Variants in YARS1 observed in about 807,000 individuals in gnomAD.
YARS1 encodes tyrosine--tRNA ligase, cytoplasmic.
Under a neutral mutation model 62.2 loss-of-function variants are expected in YARS1, and 36 were observed. The observed-to-expected ratio is 0.58, with a 90% CI of 0.44 to 0.76. The LOEUF (loss-of-function observed/expected upper bound fraction) is 0.76, where lower values mean the gene tolerates loss of function less well. Ranked by LOEUF, YARS1 falls within the 30% of genes least tolerant of loss-of-function variation. The probability of loss-of-function intolerance (pLI) is 0.00; values close to 1 mark genes in which losing one functional copy is unlikely to be tolerated. For missense variants in YARS1, 524 were observed against 639.8 expected, an observed-to-expected ratio of 0.82 and a Z score of 1.95; for synonymous variants, 234 against 244.9, an observed-to-expected ratio of 0.96 and a Z score of 0.42.
chr1:32,780,839 T>C lies in YARS1; in HGVS notation c.1140+209A>G, dbSNP rs2282293. The C allele has an allele frequency of 0.17, 104,526 of 620,054 alleles. 9,847 individuals carry two copies. Among genetic ancestry groups the C allele is most frequent in the South Asian group, 0.24 (13,176 of 55,298 alleles). The allele number at this position is 620,054 out of a possible 1,614,324, so 38.4% of individuals were successfully genotyped here. A position where few individuals can be genotyped will look rare whatever the true frequency, so the allele number is the denominator to read the frequency against. On this transcript the variant is annotated intron_variant, in intron 10 of 12. Coordinates refer to ENST00000373477, the MANE Select transcript of YARS1 (RefSeq NM_003680.4). ...CCCTCTGACTAACATCCGTCCCCCA[T>C]GCTGAGTTCCTGGCTGTGTTTGGTT...
chr1:32,794,577 A>G (rs1228903920), intron 5 of YARS1, among the ~76,000 whole-genome samples: 3 of 151,710 alleles, frequency 2.0e-5, no homozygotes, highest in Non-Finnish European at 4.4e-5. Flanking sequence ...TTTACTAGAG[A>G]CGGGGTTTCA....
intron 4 of YARS1, among the ~76,000 whole-genome samples, chr1:32,798,859 A>T (rs913505770): frequency 2.6e-5 from 4 of 152,106 alleles, no homozygotes; most frequent in African/African-American, 9.7e-5. Flanking sequence ...TAAATAAAAC[A>T]GTGACTGTCA....
chr1:32,775,732 A>C lies in YARS1; in HGVS notation c.*249T>G. On this transcript the variant is annotated 3_prime_UTR_variant, in exon 13 of 13. Coordinates refer to ENST00000373477, the MANE Select transcript of YARS1 (RefSeq NM_003680.4). Reference sequence around the variant, plus strand: ...CCAGATTTCTCCAGCTGCCAAGGGAAGAAGGTAGGGCTGGACTCCCTGCTG... The same window carrying C: ...CCAGATTTCTCCAGCTGCCAAGGGACGAAGGTAGGGCTGGACTCCCTGCTG... 1 of 558,490 alleles carries C rather than the reference A, an allele frequency of 1.8e-6. No individual in the cohort carries two copies. The highest frequency in any genetic ancestry group is 3.2e-6 in the Non-Finnish European group (1 of 311,888). 34.6% of individuals were successfully genotyped at this position (558,490 alleles called of 1,614,324 possible).
intron 4 of YARS1, among the ~76,000 whole-genome samples, chr1:32,804,916 A>G (rs1448485436): frequency 1.3e-5 from 2 of 152,098 alleles, no homozygotes; most frequent in African/African-American, 2.4e-5. Flanking sequence ...AGCTGAGATC[A>G]CGCCACTGCA....
intron 3 of YARS1, among the ~76,000 whole-genome samples, chr1:32,807,816 AT>A (rs1449707445): frequency 2.6e-5 from 4 of 152,150 alleles, no homozygotes; most frequent in African/African-American, 9.7e-5. Context: ...ACGTTCTGCC[AT>A]TATCTCTTGA....
rs151227410 is a variant in YARS1 at position 32,779,484 on chromosome 1, C to T, written c.1374G>A (p.Pro458=). The change falls in exon 12 of 13, where the codon CCG becomes CCA. Residue 458 remains proline (P), a synonymous_variant. Coordinates refer to ENST00000373477, the MANE Select transcript of YARS1 (RefSeq NM_003680.4). Reference sequence around the variant, plus strand: ...CGTGCTCACCAGGAGCAGAGCCTGCCGGAGGGTCCAGAGGTTCAACCTGGC... The same window carrying T: ...CGTGCTCACCAGGAGCAGAGCCTGCTGGAGGGTCCAGAGGTTCAACCTGGC... ...INRQVEPLDP[P]AGSAPGEHVF... is the part of the protein sequence containing the mutation. 4.7e-4 allele frequency: 752 copies of T among 1,614,200 alleles called. 3 individuals carry two copies. The highest frequency in any genetic ancestry group is 3.7e-3 in the Admixed American group (223 of 60,024).
At chr1:32,795,445 T>C (rs2148608717) in intron 5 of YARS1, among the ~76,000 whole-genome samples, 1 of 152,268 alleles carries the variant, frequency 6.6e-6, no homozygotes, top group African/African-American at 2.4e-5. Context: ...CTGTAATAAA[T>C]TGCAAGGATA....
At chr1:32,782,106 C>T (rs145104465) in intron 9 of YARS1, 88 of 430,858 alleles carry the variant, frequency 2.0e-4, no homozygotes, top group African/African-American at 1.5e-3. Context: ...TGTCTGGCCC[C>T]GGTCACTATC....
At chr1:32,796,084 G>A (rs1208961978) in intron 5 of YARS1, among the ~76,000 whole-genome samples, 1 of 151,972 alleles carries the variant, frequency 6.6e-6, no homozygotes, top group African/African-American at 2.4e-5. Context: ...CATGAGGTCA[G>A]GAGTTCGAGA....
chr1:32,817,225 G>T lies in YARS1; in HGVS notation c.20C>A (p.Pro7His), dbSNP rs1248336629. 6.2e-7 allele frequency: 1 copy of T among 1,614,042 alleles called. No homozygotes were observed. Among genetic ancestry groups the T allele is most frequent in the Non-Finnish European group, 8.5e-7 (1 of 1,180,028 alleles). Residue 7 changes from proline to histidine, a missense_variant, in exon 1 of 13, where the codon CCT becomes CAT. By Grantham distance (77) the Pro-to-His change is moderately conservative (BLOSUM62 -2). Coordinates refer to ENST00000373477, the MANE Select transcript of YARS1 (RefSeq NM_003680.4). Reference protein sequence around the residue: MGDAPSPEEKLHLITRN... With the variant: MGDAPSHEEKLHLITRN... The stretch of plus-strand genomic sequence containing the variant: ...GGTGATAAGGTGCAGTTTCTCTTCA[G>T]GGCTGGGAGCGTCCCCCATGGCTCC...
At chr1:32,798,622 A>G (rs1458008847) in intron 4 of YARS1, among the ~76,000 whole-genome samples, 1 of 152,136 alleles carries the variant, frequency 6.6e-6, no homozygotes, top group Non-Finnish European at 1.5e-5. Context: ...AGATCACTTG[A>G]GCCCGGGTGT....
At chr1:32,782,637 T>C in intron 8 of YARS1, 98 bp from the exon 9 acceptor site, 1 of 1,500,774 alleles carries the variant, frequency 6.7e-7, no homozygotes. Context: ...TTCCCAACAG[T>C]CTTATTTGAT....
chr1:32,803,738 C>CT (rs1282400425), intron 4 of YARS1, among the ~76,000 whole-genome samples: 29 of 147,608 alleles, frequency 2.0e-4, no homozygotes, highest in South Asian at 6.4e-4. Flanking sequence ...TCACCTTGCA[C>CT]TTTTTTTTTT....
At chr1:32,782,223 A>T in intron 9 of YARS1, 181 bp downstream of exon 9, 1 of 937,846 alleles carries the variant, frequency 1.1e-6, no homozygotes, top group Non-Finnish European at 1.6e-6. Context: ...TCACTTCCTG[A>T]TGTTAACCAA....
intron 10 of YARS1, chr1:32,780,778 G>A (rs1653026409): frequency 1.9e-6 from 1 of 512,938 alleles, no homozygotes; most frequent in African/African-American, 1.9e-5. Flanking sequence ...GGGATCAGGT[G>A]AGTCTATCAG....
Position 32,817,268 on chromosome 1 carries a change from C to G in YARS1, c.-24G>C. The G allele has an allele frequency of 6.2e-7, 1 of 1,613,686 alleles. No individual in the cohort carries two copies. On this transcript the variant is annotated 5_prime_UTR_variant, in exon 1 of 13. Transcript: ENST00000373477. ...ATGGCTCCGCTACCCCTGCTTCCCC[C>G]GCTCAGCCCGGCACCAGAGCCCCTT...
intron 9 of YARS1, 38 bp downstream of exon 9, chr1:32,782,366 T>C: frequency 6.2e-7 from 1 of 1,613,822 alleles, no homozygotes. Flanking sequence ...ACAAGCTCTC[T>C]CTCCTGATGA....
intron 1 of YARS1, among the ~76,000 whole-genome samples, chr1:32,816,328 C>T (rs1219635711): frequency 6.6e-6 from 1 of 152,076 alleles, no homozygotes; most frequent in Non-Finnish European, 1.5e-5. Context: ...TGCAAGGCTC[C>T]CGTGACTTGG....
chr1:32,787,092 G>A lies in YARS1; in HGVS notation c.685-17C>T, dbSNP rs201128347. ...CTTGGACTCCTAGAAGTCATAGAAC[G>A]GAAGAGGACCTCTTGTGGTTGAAAA... On this transcript the variant is annotated splice_polypyrimidine_tract_variant and intron_variant, in intron 6 of 12. Coordinates refer to ENST00000373477, the MANE Select transcript of YARS1 (RefSeq NM_003680.4). 6 of 1,613,940 alleles carry A rather than the reference G, an allele frequency of 3.7e-6. No individual in the cohort carries two copies. The highest frequency in any genetic ancestry group is 1.7e-5 in the Admixed American group (1 of 60,004).
Sources: allele counts gnomAD v4.1 joint callset (sites outside exome capture counted in the v4.1 genomes callset), GRCh38; gene constraint gnomAD v4.1.1; transcripts MANE v1.5; gene names NCBI Gene and HGNC (gene_info 2026-07-23, HGNC 2026-07-21).